The following TBC1D9 variants were observed in gnomAD, a reference collection of about 807,000 sequenced individuals.
TBC1D9 encodes the protein TBC1 domain family member 9.
TBC1D9 carries 63 observed loss-of-function variants against 132.0 expected under a neutral mutation model. The ratio of observed to expected loss-of-function variants is 0.48; its 90% CI spans 0.39 to 0.59. The LOEUF is 0.59. Ranked by LOEUF, TBC1D9 falls within the 20% of genes least tolerant of loss-of-function variation. TBC1D9 has a pLI of 0.00. For missense variants in TBC1D9, 1,261 were observed against 1,592.7 expected, an observed-to-expected ratio of 0.79 and a Z score of 3.54; for synonymous variants, 610 against 609.9, an observed-to-expected ratio of 1.00 and a Z score of 0.00.
At chr4:140,663,104 A>G (rs1382020201) in intron 9 of TBC1D9, among the ~76,000 whole-genome samples, 1 of 152,222 alleles carries the variant, frequency 6.6e-6, no homozygotes, top group Non-Finnish European at 1.5e-5. Context: ...GAAGCAATCA[A>G]AAAGCAACTT....
chr4:140,668,803 A>G, intron 9 of TBC1D9, 114 bp downstream of exon 9: 1 of 1,083,998 alleles, frequency 9.2e-7, no homozygotes. Context: ...TGTAGCTTTC[A>G]ACTGGGGGAT....
At chr4:140,684,129 TG>T (rs1034729976) in intron 3 of TBC1D9, among the ~76,000 whole-genome samples, 2 of 152,006 alleles carry the variant, frequency 1.3e-5, no homozygotes, top group Non-Finnish European at 2.9e-5. Flanking sequence ...AGGCCGGGCA[TG>T]GTGTCTTAGG....
At chr4:140,644,641 C>T in intron 13 of TBC1D9, 1 of 405,968 alleles carries the variant, frequency 2.5e-6, no homozygotes, top group Non-Finnish European at 4.7e-6. Context: ...CTGGGTGCTT[C>T]TTTGCAGTTC....
intron 1 of TBC1D9, among the ~76,000 whole-genome samples, chr4:140,734,880 A>T (rs540681907): frequency 4.7e-4 from 72 of 152,320 alleles, no homozygotes; most frequent in African/African-American, 1.7e-3. Flanking sequence ...CACAATAAAC[A>T]TGTGAGGTGG....
chr4:140,644,251 CCTT>C (rs1388969633), intron 13 of TBC1D9: 8 of 308,542 alleles, frequency 2.6e-5, no homozygotes, highest in Non-Finnish European at 3.8e-5. Context: ...AACTCCAAGT[CCTT>C]CTTCTCGACC....
At chr4:140,648,383 TTG>T (rs1202356797) in intron 13 of TBC1D9, among the ~76,000 whole-genome samples, 175 of 148,310 alleles carry the variant, frequency 1.2e-3, no homozygotes, top group African/African-American at 4.1e-3. Context: ...AGTTTTGTTG[TTG>T]TTTTTTTTTT....
chr4:140,679,983 A>G, intron 3 of TBC1D9, 140 bp from the exon 4 acceptor site: 1 of 601,832 alleles, frequency 1.7e-6, no homozygotes. Flanking sequence ...CCCAAATTCT[A>G]AGCCAATTAT....
At position 140,622,168 on chromosome 4, in the gene TBC1D9, T is replaced by C; in HGVS notation, c.*27A>G. On this transcript the variant is annotated 3_prime_UTR_variant, in exon 21 of 21. Transcript: ENST00000442267. Reference sequence around the variant, plus strand: ...TAAAAAATCCCTCCCCTCCCTCTCCTCCCACTCCCCCGGGAAGGCGCCCGT... The same window carrying C: ...TAAAAAATCCCTCCCCTCCCTCTCCCCCCACTCCCCCGGGAAGGCGCCCGT... 1.3e-6 allele frequency: 2 copies of C among 1,540,634 alleles called. No individual in the cohort carries two copies. The highest frequency in any genetic ancestry group is 1.8e-6 in the Non-Finnish European group (2 of 1,137,768).
At chr4:140,667,017 G>A (rs756149953) in intron 9 of TBC1D9, among the ~76,000 whole-genome samples, 6 of 152,274 alleles carry the variant, frequency 3.9e-5, no homozygotes, top group East Asian at 1.9e-4. Flanking sequence ...TGTGGGAGAC[G>A]TACTGTGATT....
intron 1 of TBC1D9, among the ~76,000 whole-genome samples, chr4:140,726,766 T>C (rs1403121007): frequency 6.6e-6 from 1 of 152,164 alleles, no homozygotes; most frequent in Non-Finnish European, 1.5e-5. Context: ...TGGCCCAAGT[T>C]CTCCTGAATT....
At chr4:140,669,094 C>G in intron 8 of TBC1D9, 27 bp from the exon 9 acceptor site, 1 of 1,612,162 alleles carries the variant, frequency 6.2e-7, no homozygotes, top group Non-Finnish European at 8.5e-7. Flanking sequence ...AACATTATGA[C>G]ATCCAAAGTA....
chr4:140,645,300 C>A, intron 13 of TBC1D9: 1 of 510,004 alleles, frequency 2.0e-6, no homozygotes, highest in Non-Finnish European at 3.9e-6. Context: ...AGAGGGTGCT[C>A]CTGGTCTGCC....
chr4:140,643,174 G>C, intron 13 of TBC1D9: 2 of 1,436,358 alleles, frequency 1.4e-6, no homozygotes, highest in Admixed American at 2.0e-5. Flanking sequence ...CCGGCTGCCA[G>C]CAGGCTCTCC....
intron 1 of TBC1D9, among the ~76,000 whole-genome samples, chr4:140,711,759 C>T (rs1010265385): frequency 6.6e-6 from 1 of 152,086 alleles, no homozygotes; most frequent in Non-Finnish European, 1.5e-5. Flanking sequence ...ATATGAAAAA[C>T]AGCACAAAAC....
chr4:140,709,248 T>TCTCTCTCACACA (rs1382500714), intron 1 of TBC1D9, among the ~76,000 whole-genome samples: 12 of 104,188 alleles, frequency 1.2e-4, no homozygotes, highest in African/African-American at 3.5e-4. Context: ...TCTCTCTCTC[T>TCTCTCTCACACA]CACACACACA....
intron 13 of TBC1D9, among the ~76,000 whole-genome samples, chr4:140,640,402 C>T (rs190708031): frequency 1.2e-3 from 148 of 124,642 alleles, no homozygotes; most frequent in African/African-American, 4.4e-3. Flanking sequence ...ATAAGATAAA[C>T]GTAGAGGAAG....
At chr4:140,724,444 C>G (rs1738468201) in intron 1 of TBC1D9, among the ~76,000 whole-genome samples, 1 of 152,146 alleles carries the variant, frequency 6.6e-6, no homozygotes, top group Non-Finnish European at 1.5e-5. Context: ...CGGCCATTTT[C>G]TCAATGGCAA....
At chr4:140,670,666 C>T (rs1375406805) in intron 7 of TBC1D9, 54 bp downstream of exon 7, 1 of 1,500,224 alleles carries the variant, frequency 6.7e-7, no homozygotes, top group Non-Finnish European at 9.2e-7. Context: ...ACTGAACACA[C>T]TTGGGCACAG....
chr4:140,731,948 T>C (rs764815408), intron 1 of TBC1D9, among the ~76,000 whole-genome samples: 32 of 152,180 alleles, frequency 2.1e-4, no homozygotes, highest in Non-Finnish European at 3.8e-4. Flanking sequence ...GCTATCTGGA[T>C]GAGAGGGATG....
Sources: gnomAD v4.1 joint callset for allele counts (sites outside exome capture counted in the v4.1 genomes callset) on GRCh38, gnomAD v4.1.1 for gene constraint, MANE v1.5 for transcripts, NCBI Gene and HGNC (gene_info 2026-07-23, HGNC 2026-07-21) for gene names.